The following ST7 variants were observed in gnomAD, a reference collection of about 807,000 sequenced individuals.
ST7 encodes suppressor of tumorigenicity 7 protein.
ST7 carries 28 observed loss-of-function variants against 78.7 expected under a neutral mutation model. The ratio of observed to expected loss-of-function variants is 0.36; its 90% CI spans 0.26 to 0.49. ST7 has a LOEUF of 0.49. Among genes scored for constraint, ST7 ranks in the 20% least tolerant of loss-of-function variants. ST7 has a pLI of 0.99. For missense variants in ST7, 418 were observed against 696.0 expected, an observed-to-expected ratio of 0.60 and a Z score of 4.49; for synonymous variants, 247 against 249.6, an observed-to-expected ratio of 0.99 and a Z score of 0.10.
chr7:117,069,226 A>C (rs974056613), intron 1 of ST7, among the ~76,000 whole-genome samples: 1 of 152,254 alleles, frequency 6.6e-6, no homozygotes, highest in East Asian at 1.9e-4. Context: ...TAGTGATCAA[A>C]GTATCATATC....
intron 1 of ST7, among the ~76,000 whole-genome samples, chr7:116,973,724 A>G (rs896091045): frequency 2.6e-5 from 4 of 152,256 alleles, no homozygotes; most frequent in African/African-American, 9.6e-5. Context: ...TTAAAAATGT[A>G]CATGATAGAC....
intron 1 of ST7, among the ~76,000 whole-genome samples, chr7:117,007,275 C>G (rs1222190519): frequency 6.6e-6 from 1 of 152,104 alleles, no homozygotes; most frequent in African/African-American, 2.4e-5. Context: ...CAGAATGAAA[C>G]AGCTTTATTG....
At chr7:117,114,839 G>A (rs1802729556) in intron 2 of ST7, among the ~76,000 whole-genome samples, 1 of 152,174 alleles carries the variant, frequency 6.6e-6, no homozygotes, top group Non-Finnish European at 1.5e-5. Context: ...AAGATTGATG[G>A]AAAGGCCTTG....
At chr7:117,069,966 T>C (rs938349502) in intron 1 of ST7, among the ~76,000 whole-genome samples, 3 of 152,266 alleles carry the variant, frequency 2.0e-5, no homozygotes, top group Admixed American at 2.0e-4. Flanking sequence ...GTGATTACTT[T>C]AATATAAAAC....
At chr7:117,007,810 C>G (rs1795216099) in intron 1 of ST7, among the ~76,000 whole-genome samples, 1 of 152,200 alleles carries the variant, frequency 6.6e-6, no homozygotes, top group Admixed American at 6.5e-5. Flanking sequence ...AACAACTCCC[C>G]ATTTTCTTCT....
intron 7 of ST7, among the ~76,000 whole-genome samples, chr7:117,135,763 CTG>C (rs1454687641): frequency 6.6e-6 from 1 of 152,084 alleles, no homozygotes; most frequent in Non-Finnish European, 1.5e-5. Context: ...CACAACAACA[CTG>C]TGAACAAAGA....
chr7:117,144,624 C>T (rs919936341), intron 9 of ST7, among the ~76,000 whole-genome samples: 1 of 146,292 alleles, frequency 6.8e-6, no homozygotes, highest in African/African-American at 2.7e-5. Flanking sequence ...CAGAGTAAGA[C>T]CCTGTCTCCA....
chr7:117,047,136 C>T (rs141367776), intron 1 of ST7, among the ~76,000 whole-genome samples: 1,562 of 152,218 alleles, frequency 0.01, 36 homozygotes, highest in African/African-American at 0.036. Flanking sequence ...CTAAGGACAT[C>T]GGTCATTAAA....
intron 2 of ST7, among the ~76,000 whole-genome samples, chr7:117,102,438 G>A (rs750554517): frequency 1.9e-4 from 29 of 152,214 alleles, no homozygotes; most frequent in South Asian, 4.2e-4. Context: ...TCAATCTAGG[G>A]GATTGAGGGC....
intron 1 of ST7, among the ~76,000 whole-genome samples, chr7:117,024,209 G>A (rs1271810104): frequency 6.6e-6 from 1 of 152,068 alleles, no homozygotes; most frequent in Non-Finnish European, 1.5e-5. Flanking sequence ...TATTTTTAGG[G>A]AGAAAGGGAG....
chr7:117,038,336 A>G (rs1050822784), intron 1 of ST7, among the ~76,000 whole-genome samples: 4 of 152,322 alleles, frequency 2.6e-5, no homozygotes, highest in African/African-American at 4.8e-5. Context: ...GGTGAGAGCT[A>G]TTTTTTAGAA....
intron 2 of ST7, among the ~76,000 whole-genome samples, chr7:117,102,031 T>C (rs972238298): frequency 6.6e-5 from 10 of 152,206 alleles, no homozygotes; most frequent in Non-Finnish European, 1.5e-4. Flanking sequence ...TCTTTAGAGA[T>C]ATGAGAAAAA....
chr7:117,155,125 A>T (rs759977086), intron 9 of ST7, among the ~76,000 whole-genome samples: 3 of 152,162 alleles, frequency 2.0e-5, no homozygotes, highest in Non-Finnish European at 4.4e-5. Context: ...ATAAGTGCTC[A>T]GGAAGGGCCT....
chr7:117,009,334 C>A (rs1229658154), intron 1 of ST7, among the ~76,000 whole-genome samples: 2 of 133,342 alleles, frequency 1.5e-5, no homozygotes, highest in African/African-American at 5.5e-5. Flanking sequence ...ACTTTCTTTG[C>A]TTATTTTCCA....
chr7:117,108,869 A>T (rs575328199), intron 2 of ST7, among the ~76,000 whole-genome samples: 1 of 152,198 alleles, frequency 6.6e-6, no homozygotes, highest in South Asian at 2.1e-4. Flanking sequence ...CTACTGTAAA[A>T]GTGGTTGAGT....
intron 1 of ST7, among the ~76,000 whole-genome samples, chr7:117,066,801 G>C (rs1054411376): frequency 5.3e-5 from 8 of 150,618 alleles, no homozygotes; most frequent in Non-Finnish European, 1.2e-4. Context: ...GGATTCAGTG[G>C]TTTTTAGTAT....
chr7:117,007,381 T>C (rs1795200761), intron 1 of ST7, among the ~76,000 whole-genome samples: 1 of 152,228 alleles, frequency 6.6e-6, no homozygotes, highest in Non-Finnish European at 1.5e-5. Flanking sequence ...GAACTCTCTT[T>C]AATTTCTTCA....
chr7:117,204,945 A>G (rs966860094), intron 12 of ST7, among the ~76,000 whole-genome samples: 1 of 152,190 alleles, frequency 6.6e-6, no homozygotes, highest in Non-Finnish European at 1.5e-5. Flanking sequence ...CATATGCCTT[A>G]TAGTCCCAGT....
At chr7:117,154,389 C>T (rs1029841253) in intron 9 of ST7, among the ~76,000 whole-genome samples, 3 of 152,184 alleles carry the variant, frequency 2.0e-5, no homozygotes, top group Non-Finnish European at 4.4e-5. Flanking sequence ...CAGTCTGTGA[C>T]ATTCTGTGAT....
Sources: allele counts gnomAD v4.1 joint callset (sites outside exome capture counted in the v4.1 genomes callset), GRCh38; gene constraint gnomAD v4.1.1; transcripts MANE v1.5; gene names NCBI Gene and HGNC (gene_info 2026-07-23, HGNC 2026-07-21).